The following ZNG1A variants were observed in gnomAD, a reference collection of about 807,000 sequenced individuals.
The protein encoded by ZNG1A is Zn regulated GTPase metalloprotein activator 1A.
the ZNG1A span, among the ~76,000 whole-genome samples, chr9:125,481 A>AT: frequency 2.1e-5 from 3 of 146,088 alleles, no homozygotes; most frequent in African/African-American, 7.6e-5. Flanking sequence ...ATTATGAAAG[A>AT]TTTTCTCCTT....
chr9:140,081 C>CG, the ZNG1A span, among the ~76,000 whole-genome samples: 1 of 150,574 alleles, frequency 6.6e-6, no homozygotes, highest in Admixed American at 6.6e-5. Context: ...CAGCGAGGCT[C>CG]GGGGAGGGGC....
At chr9:145,638 T>C in the ZNG1A span, among the ~76,000 whole-genome samples, 1 of 151,434 alleles carries the variant, frequency 6.6e-6, no homozygotes, top group Admixed American at 6.6e-5. Flanking sequence ...GCATGGCACA[T>C]GTATACATAT....
At chr9:121,901 A>T in the ZNG1A span, 1 of 1,610,850 alleles carries the variant, frequency 6.2e-7, no homozygotes, top group African/African-American at 1.3e-5. Flanking sequence ...GTGGCACATG[A>T]TATCCCTTTC....
At chr9:163,922 T>C in the ZNG1A span, 3 of 1,506,508 alleles carry the variant, frequency 2.0e-6, no homozygotes, top group East Asian at 6.9e-5. Context: ...TGAGACTCTG[T>C]CTCAGAAAAA....
the ZNG1A span, among the ~76,000 whole-genome samples, chr9:129,977 T>TAGGC: frequency 2.6e-4 from 40 of 150,990 alleles, 1 homozygote; most frequent in African/African-American, 9.9e-4. Context: ...CTGTTGCTCC[T>TAGGC]AGGCTACAAA....
the ZNG1A span, among the ~76,000 whole-genome samples, chr9:173,529 A>G: frequency 6.6e-6 from 1 of 151,828 alleles, no homozygotes; most frequent in Non-Finnish European, 1.5e-5. Context: ...ATTACAGTAC[A>G]CTACATTATT....
chr9:162,920 A>C, the ZNG1A span, among the ~76,000 whole-genome samples: 2 of 152,046 alleles, frequency 1.3e-5, no homozygotes, highest in Admixed American at 1.3e-4. Context: ...TTAAGGTATC[A>C]TTCCTAACAT....
chr9:176,071 T>C, the ZNG1A span, among the ~76,000 whole-genome samples: 3 of 148,848 alleles, frequency 2.0e-5, no homozygotes, highest in African/African-American at 5.0e-5. Flanking sequence ...CTTTTATTTA[T>C]AATGACCTTT....
the ZNG1A span, among the ~76,000 whole-genome samples, chr9:130,106 C>T: frequency 4.0e-3 from 598 of 151,338 alleles, 33 homozygotes; most frequent in African/African-American, 0.014. Context: ...CTGACTAAAA[C>T]GCTGTTATGC....
the ZNG1A span, among the ~76,000 whole-genome samples, chr9:133,912 C>T: frequency 2.0e-5 from 3 of 147,428 alleles, no homozygotes; most frequent in East Asian, 2.0e-4. Context: ...GAGGTTCATT[C>T]GAGGCTCTAT....
At chr9:149,106 A>G in the ZNG1A span, 1 of 150,208 alleles carries the variant, frequency 6.7e-6, no homozygotes, top group Non-Finnish European at 1.5e-5. Context: ...AAAACTAATC[A>G]CATTTTCCAA....
the ZNG1A span, among the ~76,000 whole-genome samples, chr9:157,954 G>A: frequency 5.3e-5 from 8 of 150,806 alleles, no homozygotes; most frequent in African/African-American, 1.7e-4. Flanking sequence ...AAACAAAACT[G>A]AAATAAAATC....
chr9:165,854 C>A, the ZNG1A span: 2 of 82,456 alleles, frequency 2.4e-5, no homozygotes, highest in Non-Finnish European at 4.3e-5. Context: ...AAGGGCCTGC[C>A]ATAAATTTTG....
At chr9:154,643 G>C in the ZNG1A span, 62 of 1,159,078 alleles carry the variant, frequency 5.3e-5, no homozygotes, top group East Asian at 5.4e-4. Flanking sequence ...GCAACAATCA[G>C]AGTAAAAAAT....
the ZNG1A span, among the ~76,000 whole-genome samples, chr9:141,906 A>AACAG: frequency 6.6e-6 from 1 of 152,032 alleles, no homozygotes; most frequent in African/African-American, 2.4e-5. Flanking sequence ...TCTCTGATAA[A>AACAG]ACAGACTTTC....
chr9:141,126 TA>T, the ZNG1A span, among the ~76,000 whole-genome samples: 2 of 130,520 alleles, frequency 1.5e-5, no homozygotes, highest in African/African-American at 2.8e-5. Context: ...TGCAGGATAT[TA>T]TCCAGGAGAA....
the ZNG1A span, among the ~76,000 whole-genome samples, chr9:178,446 G>C: frequency 8.3e-6 from 1 of 120,052 alleles, no homozygotes; most frequent in Admixed American, 8.5e-5. Context: ...AGGTGGTTCC[G>C]GCCCTGTTTC....
At chr9:169,880 T>TTTTTTAA in the ZNG1A span, among the ~76,000 whole-genome samples, 3 of 71,330 alleles carry the variant, frequency 4.2e-5, no homozygotes, top group South Asian at 5.7e-4. Flanking sequence ...TTTTTTTTTT[T>TTTTTTAA]AAGAAATGGG....
the ZNG1A span, among the ~76,000 whole-genome samples, chr9:161,268 T>A: frequency 1.3e-5 from 2 of 151,794 alleles, no homozygotes; most frequent in African/African-American, 4.8e-5. Flanking sequence ...CAGGAGTTCA[T>A]GACCAGGCTG....
Sources: allele counts gnomAD v4.1 joint callset (sites outside exome capture counted in the v4.1 genomes callset), GRCh38; gene constraint gnomAD v4.1.1; transcripts MANE v1.5; gene names NCBI Gene and HGNC (gene_info 2026-07-23, HGNC 2026-07-21).